The following FGL1 variants were observed in gnomAD, a reference collection of about 807,000 sequenced individuals.
FGL1 encodes fibrinogen like 1.
Under a neutral mutation model 43.7 loss-of-function variants are expected in FGL1, and 59 were observed. That is an observed-to-expected ratio of 1.35 (90% CI 1.10 to 1.68). The LOEUF (loss-of-function observed/expected upper bound fraction) is 1.68. FGL1 is among the 40% of genes most tolerant of loss of function. The pLI, the probability that FGL1 is intolerant of heterozygous loss-of-function variation, is 0.00. For missense variants in FGL1, 596 were observed against 373.0 expected (o/e 1.60, Z -4.92); for synonymous variants, 192 against 126.5 (o/e 1.52, Z -3.48).
At position 17,894,840 on chromosome 8, in the gene FGL1, C is replaced by T. The variant is rs184612121; in HGVS notation, c.-18+607G>A. On this transcript the variant is annotated intron_variant, in intron 1 of 7. Coordinates refer to ENST00000427924, the MANE Select transcript of FGL1 (RefSeq NM_004467.4). ...CCTATATATCATATAATTTTACCTG[C>T]GCACACTGTATATATATGTATATGT... 1.4e-4 allele frequency among the ~76,000 whole-genome samples: 20 copies of T among 145,542 alleles called. 2 individuals are homozygous for T. Among genetic ancestry groups the T allele is most frequent in the East Asian group, 9.7e-4 (5 of 5,156 alleles).
At position 17,868,611 on chromosome 8, in the gene FGL1, C is replaced by G; in HGVS notation, c.716G>C (p.Arg239Thr). 6.2e-7 allele frequency: 1 copy of G among 1,614,148 alleles called. No individual in the cohort carries two copies. Residue 239 changes from arginine to threonine, a missense_variant, in exon 7 of 8, where the codon AGA (arginine) becomes ACA (threonine). Physicochemically the swap from Arg to Thr is moderately conservative, Grantham distance 71. Transcript: ENST00000427924. ...GTTCCCTTCATAGTTGTCATGATCT[C>G]TGTCCCACGTGCTGAATTTCATTCT... ...HQRMKFSTWDRDHDNYEGNCA... is the reference protein window; with the variant it reads ...HQRMKFSTWDTDHDNYEGNCA...
At position 17,874,105 on chromosome 8, in the gene FGL1, TC is replaced by T. The variant is rs757358521; in HGVS notation, c.415del (p.Asp139ThrfsTer26). ...AAAATTTCCAAAGCCATTTTCATAGTCTTTCCATCCTCTAAAAAAGGTAAAG... is the reference window on the plus strand; with the variant it reads ...AAAATTTCCAAAGCCATTTTCATAGTTTTCCATCCTCTAAAAAAGGTAAAG... The part of the protein sequence containing the change: ...GSENFNRGWK[D>X]YENGFGNFVQ... On this transcript the variant is annotated frameshift_variant, in exon 5 of 8. Transcript: ENST00000427924. LOFTEE classifies it high-confidence loss of function. The T allele has an allele frequency of 8.1e-6, 13 of 1,611,198 alleles. No homozygotes were observed. The South Asian group carries it at 1.4e-4, about 18-fold the overall frequency.
chr8:17,875,569 CTTTCT>C (rs1272655819), intron 3 of FGL1, among the ~76,000 whole-genome samples: 1 of 20,872 alleles, frequency 4.8e-5, no homozygotes, highest in East Asian at 8.4e-4. Flanking sequence ...TTCTTTCTTT[CTTTCT>C]TTCTTTCTTT....
At position 17,864,694 on chromosome 8, in the gene FGL1, T is replaced by C. The variant is rs761226023; in HGVS notation, c.837A>G (p.Thr279=). The C allele has an allele frequency of 2.5e-6, 4 of 1,613,484 alleles. No individual in the cohort carries two copies. The highest frequency in any genetic ancestry group is 3.4e-6 in the Non-Finnish European group (4 of 1,179,836). ...VYYSGPYTAK[T]DNGIVWYTWH... is the part of the protein sequence containing the mutation. ...AGGTGTACCAGACAATCCCATTGTC[T>C]GTTTTAGCCGTGTAGGGGCCGCTGT... The change falls in exon 8 of 8, where the codon ACA becomes ACG. Residue 279 remains threonine (T), a synonymous_variant. Coordinates refer to ENST00000427924, the MANE Select transcript of FGL1 (RefSeq NM_004467.4).
chr8:17,883,619 G>T (rs151222261), intron 2 of FGL1, among the ~76,000 whole-genome samples: 9,059 of 139,288 alleles, frequency 0.065, 567 homozygotes, highest in African/African-American at 0.16. Flanking sequence ...GATTTATATA[G>T]TATATATTAT....
chr8:17,869,038 A>G (rs1482000088), intron 5 of FGL1, 34 bp from the exon 6 acceptor site: 4 of 1,363,780 alleles, frequency 2.9e-6, no homozygotes, highest in Non-Finnish European at 4.1e-6. Flanking sequence ...AATTTTTAAA[A>G]ATGTGTGACA....
chr8:17,872,499 C>T (rs1360613131), intron 5 of FGL1, among the ~76,000 whole-genome samples: 2 of 152,026 alleles, frequency 1.3e-5, no homozygotes, highest in Non-Finnish European at 2.9e-5. Context: ...GATGGGGTTT[C>T]ACCATGTTGG....
chr8:17,874,228 T>C, intron 4 of FGL1, 112 bp from the exon 5 acceptor site: 2 of 1,361,404 alleles, frequency 1.5e-6, no homozygotes, highest in South Asian at 1.3e-5. Flanking sequence ...ATTAGTTAAT[T>C]CATTTTCAGT....
At chr8:17,881,114 T>A (rs141062241) in intron 3 of FGL1, among the ~76,000 whole-genome samples, 2 of 150,078 alleles carry the variant, frequency 1.3e-5, no homozygotes, top group African/African-American at 2.5e-5. Flanking sequence ...AAATTCCCAA[T>A]TGTAATCTGC....
At chr8:17,865,986 C>A (rs1585124263) in intron 7 of FGL1, among the ~76,000 whole-genome samples, 1 of 152,038 alleles carries the variant, frequency 6.6e-6, no homozygotes, top group South Asian at 2.1e-4. Context: ...AATGTCAAAG[C>A]CTACTGTGTT....
At chr8:17,879,719 C>G (rs2053506699) in intron 3 of FGL1, among the ~76,000 whole-genome samples, 1 of 151,484 alleles carries the variant, frequency 6.6e-6, no homozygotes, top group South Asian at 2.1e-4. Context: ...AACCATGAGC[C>G]AATTAAACCT....
chr8:17,871,148 T>A (rs2053353721), intron 5 of FGL1, among the ~76,000 whole-genome samples: 1 of 152,062 alleles, frequency 6.6e-6, no homozygotes, highest in African/African-American at 2.4e-5. Flanking sequence ...GAGAAAAGAC[T>A]GTAGAGTGTA....
chr8:17,879,000 T>C (rs1186057121), intron 3 of FGL1, among the ~76,000 whole-genome samples: 1 of 148,384 alleles, frequency 6.7e-6, no homozygotes, highest in African/African-American at 2.5e-5. Context: ...TATCTCCCTA[T>C]ATGCTAAAAT....
chr8:17,884,434 A>G (rs963577646), intron 2 of FGL1, among the ~76,000 whole-genome samples: 2 of 152,080 alleles, frequency 1.3e-5, no homozygotes, highest in African/African-American at 4.8e-5. Flanking sequence ...GCTTCAAGCG[A>G]TCCACCCACC....
At chr8:17,895,394 A>C (rs2053759944) in intron 1 of FGL1, 53 bp downstream of exon 1, 12 of 1,276,630 alleles carry the variant, frequency 9.4e-6, no homozygotes, top group African/African-American at 1.5e-5. Context: ...CCTGTGAAAT[A>C]AATTAGCATT....
intron 3 of FGL1, among the ~76,000 whole-genome samples, chr8:17,878,783 A>G (rs2053494049): frequency 1.3e-5 from 2 of 152,088 alleles, no homozygotes; most frequent in Non-Finnish European, 2.9e-5. Flanking sequence ...TGTAAATAAG[A>G]AGAAAAGATT....
intron 1 of FGL1, among the ~76,000 whole-genome samples, chr8:17,889,824 T>C (rs1388863605): frequency 6.6e-6 from 1 of 152,228 alleles, no homozygotes; most frequent in Non-Finnish European, 1.5e-5. Context: ...GGCAATTTCA[T>C]TGTTTCAAAT....
chr8:17,873,866 T>C lies in FGL1; in HGVS notation c.502+153A>G, dbSNP rs558131650. On this transcript the variant is annotated intron_variant, in intron 5 of 7. Coordinates refer to ENST00000427924, the MANE Select transcript of FGL1 (RefSeq NM_004467.4). ...GTTTCTAATTTTAGGCAGCCACATTTTACATTTGGGATTATTGCCCAAAAG... is the reference window on the plus strand; with the variant it reads ...GTTTCTAATTTTAGGCAGCCACATTCTACATTTGGGATTATTGCCCAAAAG... Among the ~76,000 whole-genome samples the C allele has an allele frequency of 1.1e-3, 168 of 152,090 alleles. 1 individual carries two copies. The highest frequency in any genetic ancestry group is 3.9e-3 in the African/African-American group (162 of 41,534).
intron 3 of FGL1, among the ~76,000 whole-genome samples, chr8:17,875,975 G>C (rs1249238684): frequency 1.3e-5 from 2 of 152,096 alleles, no homozygotes; most frequent in Non-Finnish European, 2.9e-5. Context: ...TCTCACCTAG[G>C]TTGATCTGTA....
Sources: allele counts gnomAD v4.1 joint callset (sites outside exome capture counted in the v4.1 genomes callset), GRCh38; gene constraint gnomAD v4.1.1; transcripts MANE v1.5; gene names NCBI Gene and HGNC (gene_info 2026-07-23, HGNC 2026-07-21).